Variants in CCDC169 observed in about 807,000 individuals in gnomAD.
The protein encoded by CCDC169 is coiled-coil domain-containing protein 169.
A neutral mutation model predicts 36.0 loss-of-function variants in CCDC169; 30 were observed. The ratio of observed to expected loss-of-function variants is 0.83; its 90% confidence interval spans 0.62 to 1.13. The LOEUF (loss-of-function observed/expected upper bound fraction) is 1.13, where lower values mean the gene tolerates loss of function less well. Among genes scored for constraint, CCDC169 ranks in the 50% most tolerant of loss-of-function variants. The pLI is 0.00. For missense variants in CCDC169, 245 were observed against 245.9 expected, an observed-to-expected ratio of 1.00 and a Z score of 0.03; for synonymous variants, 85 against 81.5, an observed-to-expected ratio of 1.04 and a Z score of -0.23.
chr13:36,227,513 A>C, downstream of CCDC169: 1 of 1,028,482 alleles, frequency 9.7e-7, no homozygotes, highest in East Asian at 3.1e-5. Context: ...TAAATAAATA[A>C]ATAAAAGCTC....
chr13:36,265,402 T>C lies in CCDC169; in HGVS notation c.316-11259A>G, dbSNP rs371483785. Reference sequence around the variant, plus strand: ...GAAAAGAATGTATTCTCCAAATCAATGGCTGCACAGCCTGTAACTGAAACC... The same window carrying C: ...GAAAAGAATGTATTCTCCAAATCAACGGCTGCACAGCCTGTAACTGAAACC... On this transcript the variant is annotated intron_variant, in intron 4 of 7. Coordinates refer to ENST00000239859, the MANE Select transcript of CCDC169 (RefSeq NM_001144981.3). Among the ~76,000 whole-genome samples, 11 of 152,338 alleles carry C rather than the reference T, an allele frequency of 7.2e-5. No homozygotes were observed. In the South Asian group the frequency reaches 2.3e-3, roughly 32 times the overall value.
Position 36,297,781 on chromosome 13 carries a change from G to A in CCDC169, c.-62C>T. ...AGCACCTTAGAGCACAAGACATTAA[G>A]GGCCACCCAGAAGCCAGTACGGCAC... On this transcript the variant is annotated 5_prime_UTR_variant, in exon 1 of 8. Transcript: ENST00000239859. The A allele has an allele frequency of 8.8e-6, 13 of 1,473,432 alleles. No individual in the cohort carries two copies. Among genetic ancestry groups the A allele is most frequent in the South Asian group, 1.2e-5 (1 of 82,550 alleles). 91.3% of individuals were successfully genotyped at this position (1,473,432 alleles called of 1,614,324 possible).
Position 36,283,698 on chromosome 13 carries a change from A to G in CCDC169, c.168T>C (p.Ser56=), listed in dbSNP as rs1317577775. The G allele has an allele frequency of 2.6e-6, 4 of 1,549,348 alleles. No individual in the cohort carries two copies. In the Admixed American group the frequency reaches 5.9e-5, roughly 23 times the overall value. The part of the protein sequence containing the change: ...EAKLNTDNEG[S]EWKTRYETQL... ...GTGTCTCATAACGGGTTTTCCATTC[A>G]CTACCTGAGTAAAAACAGGGAGAAA... The change falls in exon 3 of 8, where the codon AGT becomes AGC. Residue 56 remains serine (S), a synonymous_variant. Coordinates refer to ENST00000239859, the MANE Select transcript of CCDC169 (RefSeq NM_001144981.3).
intron 7 of CCDC169, among the ~76,000 whole-genome samples, chr13:36,242,700 A>C (rs574290404): frequency 2.0e-4 from 31 of 152,244 alleles, no homozygotes; most frequent in African/African-American, 7.0e-4. Context: ...ATTAAGTTTC[A>C]TCAGAGATGG....
At chr13:36,288,381 C>T (rs1473446018) in intron 2 of CCDC169, among the ~76,000 whole-genome samples, 1 of 152,102 alleles carries the variant, frequency 6.6e-6, no homozygotes, top group East Asian at 1.9e-4. Flanking sequence ...TCTAGATAAA[C>T]TATTAAGAAA....
intron 4 of CCDC169, among the ~76,000 whole-genome samples, chr13:36,266,963 G>C (rs1875394891): frequency 6.6e-6 from 1 of 152,158 alleles, no homozygotes; most frequent in Admixed American, 6.5e-5. Context: ...CAGACACTAA[G>C]ATGGGATTAC....
In CCDC169 at chr13:36,244,146, G is replaced by A. The variant is rs562668992; in HGVS notation, c.545+4460C>T. 5.9e-5 allele frequency among the ~76,000 whole-genome samples: 9 copies of A among 152,282 alleles called. No homozygotes were observed. In the South Asian group the frequency reaches 1.9e-3, roughly 32 times the overall value. On this transcript the variant is annotated intron_variant, in intron 7 of 7. Transcript: ENST00000239859. ...GTTGTGCAGAAAAGTCAACATAGCA[G>A]GCTTTAGGCTACTGTCTTTGGAAAA...
At chr13:36,288,383 A>G (rs1878497891) in intron 2 of CCDC169, among the ~76,000 whole-genome samples, 1 of 152,232 alleles carries the variant, frequency 6.6e-6, no homozygotes, top group Non-Finnish European at 1.5e-5. Flanking sequence ...TAGATAAACT[A>G]TTAAGAAATG....
downstream of CCDC169, chr13:36,224,757 C>A (rs1196896432): frequency 1.3e-5 from 2 of 152,164 alleles, no homozygotes; most frequent in African/African-American, 4.8e-5. Context: ...TATCAAACTA[C>A]TAACATCATT....
intron 7 of CCDC169, among the ~76,000 whole-genome samples, chr13:36,243,533 A>G (rs9546855): frequency 0.41 from 61,366 of 148,570 alleles, 13,169 homozygotes; most frequent in Non-Finnish European, 0.49. Context: ...AAGGCCAGGC[A>G]CGGTGGCTCA....
intron 7 of CCDC169, among the ~76,000 whole-genome samples, chr13:36,246,223 C>G (rs139330331): frequency 1.3e-3 from 198 of 152,278 alleles, no homozygotes; most frequent in African/African-American, 4.7e-3. Flanking sequence ...TAAGCTTAGT[C>G]ATTTAGTGAG....
At chr13:36,242,418 T>C (rs1302394503) in intron 7 of CCDC169, among the ~76,000 whole-genome samples, 1 of 152,138 alleles carries the variant, frequency 6.6e-6, no homozygotes, top group Non-Finnish European at 1.5e-5. Flanking sequence ...TGACTTCCTT[T>C]AAAGACTCAA....
chr13:36,256,525 T>C (rs912930), intron 4 of CCDC169, among the ~76,000 whole-genome samples: 58,243 of 152,002 alleles, frequency 0.38, 11,809 homozygotes, highest in Non-Finnish European at 0.45. Context: ...ATGACCTCCA[T>C]CTGGTCTTGC....
intron 4 of CCDC169, among the ~76,000 whole-genome samples, chr13:36,270,622 C>T (rs777420706): frequency 6.6e-6 from 1 of 152,104 alleles, no homozygotes; most frequent in Non-Finnish European, 1.5e-5. Flanking sequence ...AAACCAAATA[C>T]TTACAGCCAG....
At chr13:36,227,087 TAAACC>T, downstream of CCDC169, 1 of 571,616 alleles carries the variant, frequency 1.7e-6, no homozygotes, top group Non-Finnish European at 2.8e-6. Context: ...GAAGCCACAC[TAAACC>T]AGCAGAGTGG....
At chr13:36,281,648 G>A (rs1438637645) in intron 4 of CCDC169, among the ~76,000 whole-genome samples, 2 of 152,130 alleles carry the variant, frequency 1.3e-5, no homozygotes, top group Non-Finnish European at 2.9e-5. Flanking sequence ...GATTGCTTGA[G>A]CTCAGGAGTT....
At chr13:36,276,076 G>A (rs963168416) in intron 4 of CCDC169, among the ~76,000 whole-genome samples, 1 of 152,126 alleles carries the variant, frequency 6.6e-6, no homozygotes, top group Admixed American at 6.5e-5. Context: ...TTTGTCCTAT[G>A]GCAAGCTGAA....
chr13:36,246,943 G>A (rs1872568255), intron 7 of CCDC169, among the ~76,000 whole-genome samples: 1 of 152,196 alleles, frequency 6.6e-6, no homozygotes, highest in African/African-American at 2.4e-5. Flanking sequence ...CCTAGCTAGA[G>A]AGGAGAAGAC....
chr13:36,250,521 T>C (rs1315163360), intron 6 of CCDC169, among the ~76,000 whole-genome samples: 1 of 152,218 alleles, frequency 6.6e-6, no homozygotes, highest in Non-Finnish European at 1.5e-5. Flanking sequence ...TGACATTATA[T>C]CTAAAGTACT....
Sources: gnomAD v4.1 joint callset for allele counts (sites outside exome capture counted in the v4.1 genomes callset) on GRCh38, gnomAD v4.1.1 for gene constraint, MANE v1.5 for transcripts, NCBI Gene and HGNC (gene_info 2026-07-23, HGNC 2026-07-21) for gene names.